Variants in PARP1 observed in about 807,000 individuals in gnomAD.
PARP1 encodes the protein poly(ADP-ribose) polymerase 1, also known as poly [ADP-ribose] polymerase 1.
PARP1 carries 44 observed loss-of-function variants against 118.7 expected under a neutral mutation model. The observed-to-expected ratio is 0.37, with a 90% CI of 0.29 to 0.48. The LOEUF is 0.48. Among genes scored for constraint, PARP1 ranks in the 20% least tolerant of loss-of-function variants. The pLI is 0.99. For missense variants in PARP1, 1,100 were observed against 1,272.4 expected, an observed-to-expected ratio of 0.86 and a Z score of 2.06; for synonymous variants, 492 against 483.2, an observed-to-expected ratio of 1.02 and a Z score of -0.24.
At chr1:226,367,361 G>A (rs1474408280) in intron 17 of PARP1, 119 bp downstream of exon 17, 4 of 1,227,040 alleles carry the variant, frequency 3.3e-6, no homozygotes, top group Non-Finnish European at 4.8e-6. Flanking sequence ...TGAATTATTG[G>A]GCGCCAGCCA....
intron 13 of PARP1, among the ~76,000 whole-genome samples, chr1:226,374,583 C>A (rs527847046): frequency 3.3e-5 from 5 of 152,158 alleles, no homozygotes; most frequent in African/African-American, 1.2e-4. Flanking sequence ...CTTGGCTGCT[C>A]CAGATTCTTA....
chr1:226,367,718 C>T, intron 16 of PARP1, 110 bp from the exon 17 acceptor site: 1 of 1,251,952 alleles, frequency 8.0e-7, no homozygotes, highest in Non-Finnish European at 1.2e-6. Context: ...CAGTGAATGG[C>T]AAACCCTCCT....
chr1:226,373,918 G>C (rs1664441791), intron 14 of PARP1, among the ~76,000 whole-genome samples: 1 of 152,100 alleles, frequency 6.6e-6, no homozygotes, highest in Non-Finnish European at 1.5e-5. Flanking sequence ...AGCAGTTGGA[G>C]ACCAGCTTGG....
At chr1:226,407,170 C>T (rs1665165920) in intron 1 of PARP1, among the ~76,000 whole-genome samples, 1 of 152,086 alleles carries the variant, frequency 6.6e-6, no homozygotes, top group African/African-American at 2.4e-5. Context: ...CTTACTCAAA[C>T]CAGACAGCTG....
chr1:226,381,720 A>C (rs968919667), intron 8 of PARP1, among the ~76,000 whole-genome samples: 2 of 152,238 alleles, frequency 1.3e-5, no homozygotes, highest in Non-Finnish European at 1.5e-5. Flanking sequence ...TTCTAGGAGA[A>C]AAGCAGCAGC....
chr1:226,379,237 C>T lies in PARP1; in HGVS notation c.1650G>A (p.Gly550=), dbSNP rs773320535. 6.8e-6 allele frequency: 11 copies of T among 1,614,100 alleles called. No individual in the cohort carries two copies. Among genetic ancestry groups the T allele is most frequent in the Non-Finnish European group, 9.3e-6 (11 of 1,180,022 alleles). The change falls in exon 12 of 23, where the codon GGG becomes GGA. Residue 550 remains glycine (G), a synonymous_variant. Coordinates refer to ENST00000366794, the MANE Select transcript of PARP1 (RefSeq NM_001618.4). ...EHSAHVLEKG[G]KVFSATLGLV... ...GGCCAAGGGTGGCACTGAAGACCTT[C>T]CCACCTTTCTCCAGGACATGCGCAG...
intron 2 of PARP1, chr1:226,393,020 G>A (rs754799086): frequency 2.0e-6 from 3 of 1,510,046 alleles, no homozygotes; most frequent in Admixed American, 2.6e-5. Flanking sequence ...AACACAAGGT[G>A]TAAGTTTGGA....
At chr1:226,399,967 C>T (rs539754882) in intron 2 of PARP1, among the ~76,000 whole-genome samples, 3 of 152,304 alleles carry the variant, frequency 2.0e-5, no homozygotes, top group South Asian at 2.1e-4. Flanking sequence ...CACACCACTG[C>T]ACCCCAGCTT....
chr1:226,363,166 C>G lies in PARP1; in HGVS notation c.2787-6G>C. 1.2e-6 allele frequency: 2 copies of G among 1,609,020 alleles called. No homozygotes were observed. Among genetic ancestry groups the G allele is most frequent in the Non-Finnish European group, 1.7e-6 (2 of 1,175,398 alleles). ...AAGCGTGCTTCAGTTCATACCTATT[C>G]AAAAGAGGACAGTCTCAGAAGAGGC... is the stretch of plus-strand genomic sequence containing the variant. On this transcript the variant is annotated splice_region_variant and splice_polypyrimidine_tract_variant and intron_variant, in intron 20 of 22. Coordinates refer to ENST00000366794, the MANE Select transcript of PARP1 (RefSeq NM_001618.4).
intron 3 of PARP1, 31 bp from the exon 4 acceptor site, chr1:226,390,655 G>A (rs974647389): frequency 9.4e-6 from 15 of 1,596,690 alleles, no homozygotes; most frequent in Non-Finnish European, 1.2e-5. Flanking sequence ...GGTACCAAGG[G>A]AGCGACAAGC....
intron 5 of PARP1, among the ~76,000 whole-genome samples, chr1:226,387,150 T>C (rs992349912): frequency 9.2e-5 from 14 of 152,112 alleles, no homozygotes; most frequent in African/African-American, 3.1e-4. Flanking sequence ...GCCCAGCTAA[T>C]TTTTGTATTT....
intron 1 of PARP1, among the ~76,000 whole-genome samples, chr1:226,403,856 A>G (rs921248850): frequency 1.3e-5 from 2 of 152,262 alleles, no homozygotes; most frequent in African/African-American, 4.8e-5. Context: ...AACAGCATTA[A>G]AAGTAAATGT....
chr1:226,402,496 A>G, intron 1 of PARP1, 117 bp from the exon 2 acceptor site: 1 of 962,526 alleles, frequency 1.0e-6, no homozygotes, highest in Non-Finnish European at 1.6e-6. Flanking sequence ...ATAGCACATG[A>G]AACTTTTGTT....
At chr1:226,403,034 T>C (rs1375882549) in intron 1 of PARP1, among the ~76,000 whole-genome samples, 1 of 152,220 alleles carries the variant, frequency 6.6e-6, no homozygotes, top group East Asian at 1.9e-4. Context: ...TGCCTAGAGC[T>C]GGAGTCAGCT....
At chr1:226,374,114 C>T (rs1576393704) in intron 14 of PARP1, 112 bp downstream of exon 14, 1 of 1,253,924 alleles carries the variant, frequency 8.0e-7, no homozygotes, top group South Asian at 1.2e-5. Context: ...AAGCTGACAG[C>T]CAATGTATTG....
chr1:226,383,309 C>CA (rs1166544243), intron 7 of PARP1, 126 bp from the exon 8 acceptor site: 6 of 771,436 alleles, frequency 7.8e-6, no homozygotes, highest in Admixed American at 4.6e-5. Flanking sequence ...TAAAGAGTAA[C>CA]AAAAAATAGA....
chr1:226,394,933 A>T (rs1664886778), intron 2 of PARP1, among the ~76,000 whole-genome samples: 1 of 152,234 alleles, frequency 6.6e-6, no homozygotes, highest in Non-Finnish European at 1.5e-5. Context: ...AAGTACTTGG[A>T]ATACTGGATG....
At chr1:226,369,823 G>A (rs1226341685) in intron 15 of PARP1, among the ~76,000 whole-genome samples, 2 of 151,998 alleles carry the variant, frequency 1.3e-5, no homozygotes, top group Admixed American at 6.6e-5. Flanking sequence ...CGGGTGTGGT[G>A]GCCCATGCTT....
In PARP1 at chr1:226,388,751, T is replaced by G; in HGVS notation, c.622A>C (p.Arg208=). 2 of 1,613,258 alleles carry G rather than the reference T, an allele frequency of 1.2e-6. No homozygotes were observed. The highest frequency in any genetic ancestry group is 1.7e-6 in the Non-Finnish European group (2 of 1,179,208). ...ACTCCATCCACCTCATCGCCTTTTC[T>G]CTTTCTGAAGGAGACACAGGATATG... The part of the protein sequence containing the change: ...QLPGVKSEGK[R]KGDEVDGVDE... Residue 208 remains arginine, a synonymous_variant, in exon 5 of 23, where the codon AGA becomes CGA. Coordinates refer to ENST00000366794, the MANE Select transcript of PARP1 (RefSeq NM_001618.4).
Sources: allele counts gnomAD v4.1 joint callset (sites outside exome capture counted in the v4.1 genomes callset), GRCh38; gene constraint gnomAD v4.1.1; transcripts MANE v1.5; gene names NCBI Gene and HGNC (gene_info 2026-07-23, HGNC 2026-07-21).